The following TJP1 variants were observed in gnomAD, a reference collection of about 807,000 sequenced individuals.
The protein encoded by TJP1 is tight junction protein ZO-1.
A neutral mutation model predicts 194.2 loss-of-function variants in TJP1; 43 were observed. The observed-to-expected ratio is 0.22, with a 90% CI of 0.17 to 0.29. The LOEUF (loss-of-function observed/expected upper bound fraction) is 0.29. TJP1 is among the 10% of genes least tolerant of loss of function. TJP1 has a pLI of 1.00. For missense variants in TJP1, 1,971 were observed against 2,185.7 expected, an observed-to-expected ratio of 0.90 and a Z score of 1.96; for synonymous variants, 801 against 779.0, an observed-to-expected ratio of 1.03 and a Z score of -0.47.
chr15:29,899,192 C>A (rs777615151), intron 2 of TJP1, among the ~76,000 whole-genome samples: 28 of 152,262 alleles, frequency 1.8e-4, no homozygotes, highest in Admixed American at 7.2e-4. Context: ...AAGAAGCCCC[C>A]ACAAAGCCAT....
At chr15:29,779,897 ACCAGC>A (rs2047247829) in intron 2 of TJP1, among the ~76,000 whole-genome samples, 1 of 152,134 alleles carries the variant, frequency 6.6e-6, no homozygotes, top group Non-Finnish European at 1.5e-5. Context: ...GGGATAAACA[ACCAGC>A]TATGGAGACT....
chr15:29,746,734 A>T (rs1053894544), intron 8 of TJP1, among the ~76,000 whole-genome samples: 10 of 152,058 alleles, frequency 6.6e-5, no homozygotes, highest in Admixed American at 6.5e-4. Context: ...AACGTATATT[A>T]TTAGTAGTCT....
chr15:29,802,773 A>G (rs2048872666), intron 1 of TJP1, among the ~76,000 whole-genome samples: 1 of 152,180 alleles, frequency 6.6e-6, no homozygotes, highest in African/African-American at 2.4e-5. Flanking sequence ...CATAGCTCTC[A>G]GTTCATCTTT....
chr15:29,708,358 C>CGACT (rs2042032781), intron 25 of TJP1, among the ~76,000 whole-genome samples: 1 of 152,160 alleles, frequency 6.6e-6, no homozygotes, highest in Admixed American at 6.5e-5. Context: ...CAACCATACA[C>CGACT]GACTGTTAGC....
intron 2 of TJP1, among the ~76,000 whole-genome samples, chr15:29,908,150 G>A (rs2955691): frequency 2.3e-5 from 3 of 131,190 alleles, no homozygotes; most frequent in African/African-American, 5.6e-5. Flanking sequence ...ATGAGAAGAA[G>A]AAAATGTTTC....
At chr15:29,835,307 A>G (rs1171118032) in intron 2 of TJP1, among the ~76,000 whole-genome samples, 1 of 152,242 alleles carries the variant, frequency 6.6e-6, no homozygotes, top group East Asian at 1.9e-4. Flanking sequence ...AACGGAGTGC[A>G]TATTATATGA....
chr15:29,882,876 T>C (rs1439999168), intron 2 of TJP1, among the ~76,000 whole-genome samples: 1 of 152,196 alleles, frequency 6.6e-6, no homozygotes, highest in Non-Finnish European at 1.5e-5. Flanking sequence ...CAGCGATGGC[T>C]TCCCTGCTCT....
intron 8 of TJP1, chr15:29,759,835 T>G (rs2045884285): frequency 5.3e-6 from 1 of 190,444 alleles, no homozygotes; most frequent in Non-Finnish European, 1.1e-5. Context: ...TTTCATTGTG[T>G]GTGTGAACAT....
chr15:29,943,028 C>T (rs940640999), intron 2 of TJP1, among the ~76,000 whole-genome samples: 3 of 152,164 alleles, frequency 2.0e-5, no homozygotes, highest in East Asian at 1.9e-4. Flanking sequence ...TCTGATGGAG[C>T]GCACTTTCTC....
At chr15:29,791,756 T>C (rs2151818547) in intron 2 of TJP1, among the ~76,000 whole-genome samples, 1 of 152,274 alleles carries the variant, frequency 6.6e-6, no homozygotes, top group South Asian at 2.1e-4. Flanking sequence ...ATAAGAGTTC[T>C]CTTTTTTCTG....
chr15:29,955,884 T>C (rs2055923052), intron 2 of TJP1, among the ~76,000 whole-genome samples: 1 of 151,852 alleles, frequency 6.6e-6, no homozygotes, highest in African/African-American at 2.4e-5. Flanking sequence ...TGTTTGGGGT[T>C]AATCAGACAC....
At chr15:29,950,068 C>A (rs1311243421) in intron 2 of TJP1, among the ~76,000 whole-genome samples, 1 of 59,140 alleles carries the variant, frequency 1.7e-5, no homozygotes, top group Non-Finnish European at 3.1e-5. Flanking sequence ...CCACCACCAC[C>A]ACCTCCACCA....
At position 29,701,179 on chromosome 15, in the gene TJP1, A is replaced by C. The variant is rs1467002535; in HGVS notation, c.*416T>G. 1 of 163,580 alleles carries C rather than the reference A, an allele frequency of 6.1e-6. No individual in the cohort carries two copies. The highest frequency in any genetic ancestry group is 1.3e-5 in the Non-Finnish European group (1 of 74,642). The allele number at this position is 163,580 out of a possible 1,614,324, so 10.1% of individuals were successfully genotyped here. A position where few individuals can be genotyped will look rare whatever the true frequency, so the allele number is the denominator to read the frequency against. ...AAAATGTGTGCATATTACTTCATGC[A>C]TAATAAAATAAAATGTGTACGTATG... On this transcript the variant is annotated 3_prime_UTR_variant, in exon 28 of 28. Transcript: ENST00000614355.
intron 8 of TJP1, among the ~76,000 whole-genome samples, chr15:29,756,155 T>G (rs1012102854): frequency 3.9e-5 from 6 of 152,038 alleles, no homozygotes; most frequent in African/African-American, 1.4e-4. Context: ...TGATACCCAC[T>G]CAGTAATCAC....
At chr15:29,850,015 G>A (rs950542126) in intron 2 of TJP1, among the ~76,000 whole-genome samples, 1 of 152,168 alleles carries the variant, frequency 6.6e-6, no homozygotes, top group Non-Finnish European at 1.5e-5. Context: ...TGTCATGAGG[G>A]CATTCAAGCA....
intron 1 of TJP1, among the ~76,000 whole-genome samples, chr15:29,809,632 G>A (rs2049348755): frequency 1.3e-5 from 2 of 152,144 alleles, no homozygotes; most frequent in African/African-American, 4.8e-5. Context: ...ATCGCCTGAA[G>A]TCAGGAGTTC....
At chr15:29,794,948 T>C (rs2048311913) in intron 2 of TJP1, among the ~76,000 whole-genome samples, 1 of 152,018 alleles carries the variant, frequency 6.6e-6, no homozygotes, top group Non-Finnish European at 1.5e-5. Flanking sequence ...AAAAGATCAA[T>C]AAAATTGTCA....
At chr15:29,821,358 G>A (rs1190479092) in intron 1 of TJP1, 3 of 152,182 alleles carry the variant, frequency 2.0e-5, no homozygotes, top group Non-Finnish European at 4.4e-5. Context: ...TGTATTACTT[G>A]TGAAAGTTTA....
intron 2 of TJP1, among the ~76,000 whole-genome samples, chr15:29,836,016 T>G (rs1596073228): frequency 6.6e-6 from 1 of 152,292 alleles, no homozygotes; most frequent in African/African-American, 2.4e-5. Context: ...CATACTCCCT[T>G]TGTCTCCTGT....
Sources: gnomAD v4.1 joint callset for allele counts (sites outside exome capture counted in the v4.1 genomes callset) on GRCh38, gnomAD v4.1.1 for gene constraint, MANE v1.5 for transcripts, NCBI Gene and HGNC (gene_info 2026-07-23, HGNC 2026-07-21) for gene names.